Variants in SLC6A2 observed in about 807,000 individuals in gnomAD.
The protein encoded by SLC6A2 is solute carrier family 6 member 2, also known as sodium-dependent noradrenaline transporter.
In SLC6A2, 26 loss-of-function variants were observed where a neutral mutation model predicts 71.7. The observed-to-expected ratio is 0.36, with a 90% confidence interval of 0.27 to 0.50. The LOEUF is 0.50. Among genes scored for constraint, SLC6A2 ranks in the 20% least tolerant of loss-of-function variants. SLC6A2 has a pLI of 0.96. For synonymous variants in SLC6A2, 363 were observed against 337.9 expected, an observed-to-expected ratio of 1.07 and a Z score of -0.82; for missense variants, 581 against 803.9, an observed-to-expected ratio of 0.72 and a Z score of 3.35.
At chr16:55,661,419 AC>A (rs1226807018) in intron 2 of SLC6A2, among the ~76,000 whole-genome samples, 1 of 152,214 alleles carries the variant, frequency 6.6e-6, no homozygotes, top group Non-Finnish European at 1.5e-5. Flanking sequence ...TAACCACAGC[AC>A]CTTCTTGCAG....
chr16:55,694,123 T>C lies in SLC6A2; in HGVS notation c.1022+10T>C. The C allele has an allele frequency of 6.6e-7, 1 of 1,505,440 alleles. No homozygotes were observed. Among genetic ancestry groups the C allele is most frequent in the Non-Finnish European group, 9.3e-7 (1 of 1,081,044 alleles). The allele number at this position is 1,505,440 out of a possible 1,614,324, so 93.3% of individuals were successfully genotyped here. ...ACAACAACTGTTACAGGTAAGATTC[T>C]TCTCAGAATTCTGAGAAGCTCTAAA... On this transcript the variant is annotated intron_variant, in intron 7 of 14. Coordinates refer to ENST00000568943, the MANE Select transcript of SLC6A2 (RefSeq NM_001172501.3).
chr16:55,701,773 G>C, intron 13 of SLC6A2, 90 bp from the exon 14 acceptor site: 1 of 877,508 alleles, frequency 1.1e-6, no homozygotes, highest in South Asian at 1.3e-5. Context: ...GGATCAAATA[G>C]CAGGTGGCCC....
rs765314079 is a variant in SLC6A2 at position 55,701,947 on chromosome 16, T to G, written c.1830+13T>G. ...CAGACAGTTCCAGGTGGGTGAAGCCTAGACCCCTGGGGTGGAGATTACAAG... is the reference window on the plus strand; with the variant it reads ...CAGACAGTTCCAGGTGGGTGAAGCCGAGACCCCTGGGGTGGAGATTACAAG... On this transcript the variant is annotated intron_variant, in intron 14 of 14. Transcript: ENST00000568943. 1 of 1,604,740 alleles carries G rather than the reference T, an allele frequency of 6.2e-7. No individual in the cohort carries two copies. Among genetic ancestry groups the G allele is most frequent in the East Asian group, 2.2e-5 (1 of 44,814 alleles).
In SLC6A2 at chr16:55,703,779, C is replaced by T. The variant is rs7194256; in HGVS notation, c.*1433C>T. On this transcript the variant is annotated 3_prime_UTR_variant, in exon 15 of 15. Transcript: ENST00000568943. ...GAAAAAATAAAGAAGCCGCTGCATT[C>T]GCACGTCAAGAAGGTGCTTTGCCTC... The T allele has an allele frequency of 0.17, 170,897 of 984,876 alleles. 15,964 individuals are homozygous for T. Among genetic ancestry groups the T allele is most frequent in the African/African-American group, 0.35 (19,877 of 57,214 alleles). 61.0% of individuals were successfully genotyped at this position (984,876 alleles called of 1,614,324 possible). A position where few individuals can be genotyped will look rare whatever the true frequency, so the allele number is the denominator to read the frequency against.
At chr16:55,681,236 C>T (rs184959177) in intron 4 of SLC6A2, among the ~76,000 whole-genome samples, 2 of 152,330 alleles carry the variant, frequency 1.3e-5, no homozygotes, top group Admixed American at 1.3e-4. Context: ...TAACTCAGCC[C>T]TCATCACAGC....
chr16:55,671,132 T>G (rs1271247062), intron 3 of SLC6A2, among the ~76,000 whole-genome samples: 1 of 151,850 alleles, frequency 6.6e-6, no homozygotes, highest in Admixed American at 6.6e-5. Context: ...AGGATATAAG[T>G]GTAAAGAGTT....
intron 4 of SLC6A2, among the ~76,000 whole-genome samples, chr16:55,681,111 A>G (rs1439982449): frequency 6.6e-6 from 1 of 152,084 alleles, no homozygotes; most frequent in Non-Finnish European, 1.5e-5. Context: ...TTTTCTGGGT[A>G]CCCTTGACTC....
At chr16:55,701,072 G>A (rs758413379) in intron 13 of SLC6A2, among the ~76,000 whole-genome samples, 10 of 152,064 alleles carry the variant, frequency 6.6e-5, no homozygotes, top group East Asian at 3.9e-4. Context: ...TTATTGGGAC[G>A]CAGATATATG....
At chr16:55,690,250 G>A (rs1042076920) in intron 5 of SLC6A2, among the ~76,000 whole-genome samples, 3 of 152,088 alleles carry the variant, frequency 2.0e-5, no homozygotes, top group Non-Finnish European at 2.9e-5. Flanking sequence ...CACATGTGCC[G>A]GATTCTGGGG....
chr16:55,656,892 G>T lies in SLC6A2; in HGVS notation c.198G>T (p.Leu66=), dbSNP rs1349748778. ...CCTGGGGCAAGAAGATCGACTTCCT[G>T]CTGTCCGTAGTCGGCTTCGCAGTGG... The part of the protein sequence containing the change: ...RETWGKKIDF[L]LSVVGFAVDL... Residue 66 remains leucine (L), a synonymous_variant, in exon 2 of 15, where the codon CTG becomes CTT. Coordinates refer to ENST00000568943, the MANE Select transcript of SLC6A2 (RefSeq NM_001172501.3). The surrounding 1 kb of genome is among the most constrained non-coding windows in gnomAD (Gnocchi z 4.5). The T allele has an allele frequency of 6.2e-7, 1 of 1,614,064 alleles. No homozygotes were observed. The highest frequency in any genetic ancestry group is 8.5e-7 in the Non-Finnish European group (1 of 1,179,962).
chr16:55,682,243 C>T (rs1299819083), intron 4 of SLC6A2, among the ~76,000 whole-genome samples: 1 of 152,096 alleles, frequency 6.6e-6, no homozygotes, highest in African/African-American at 2.4e-5. Flanking sequence ...CTGAATGGAC[C>T]TCTAGTTGAG....
intron 2 of SLC6A2, 62 bp from the exon 3 acceptor site, chr16:55,669,503 C>G: frequency 1.9e-6 from 3 of 1,597,512 alleles, no homozygotes; most frequent in Non-Finnish European, 2.6e-6. Flanking sequence ...CTTGCAGACA[C>G]GGATCCAAGA....
rs9938924 is a variant in SLC6A2 at position 55,656,505 on chromosome 16, A to T, written c.-51-139A>T. On this transcript the variant is annotated intron_variant, in intron 1 of 14. Transcript: ENST00000568943. This position sits in a 1 kb window ranked among gnomAD's most constrained non-coding sequence, Gnocchi z 4.5. ...CTCTGTTTCCAAATTTTTCCAGCGG[A>T]CGCGCGCCCTTTTCTGGGAACCCTG... The T allele has an allele frequency of 2.9e-3, 1,965 of 682,978 alleles. 35 individuals carry two copies. In the African/African-American group the frequency reaches 0.033, roughly 11 times the overall value. 42.3% of individuals were successfully genotyped at this position (682,978 alleles called of 1,614,324 possible).
intron 13 of SLC6A2, among the ~76,000 whole-genome samples, chr16:55,700,520 A>C (rs1965942243): frequency 6.6e-6 from 1 of 152,208 alleles, no homozygotes; most frequent in Admixed American, 6.5e-5. Flanking sequence ...AAAACAAAAA[A>C]GAAGTACTTA....
rs1429410756 is a variant in SLC6A2, at chr16:55,703,031, A to G, written c.*685A>G. ...CATTCCTCCAGCTTTTGGTGGTCAGATGGCCCAGAGATATGGGGGACAGGA... is the reference window on the plus strand; with the variant it reads ...CATTCCTCCAGCTTTTGGTGGTCAGGTGGCCCAGAGATATGGGGGACAGGA... On this transcript the variant is annotated 3_prime_UTR_variant, in exon 15 of 15. Coordinates refer to ENST00000568943, the MANE Select transcript of SLC6A2 (RefSeq NM_001172501.3). 1 of 986,730 alleles carries G rather than the reference A, an allele frequency of 1.0e-6. No homozygotes were observed. Among genetic ancestry groups the G allele is most frequent in the Non-Finnish European group, 1.2e-6 (1 of 830,978 alleles). The allele number at this position is 986,730 out of a possible 1,614,324, so 61.1% of individuals were successfully genotyped here.
chr16:55,665,656 T>C (rs992490449), intron 2 of SLC6A2, among the ~76,000 whole-genome samples: 2 of 151,628 alleles, frequency 1.3e-5, no homozygotes, highest in African/African-American at 4.8e-5. Context: ...TCTTGGCCAC[T>C]GCACCCCTCA....
At chr16:55,684,267 C>T (rs1479233225) in intron 4 of SLC6A2, among the ~76,000 whole-genome samples, 1 of 147,580 alleles carries the variant, frequency 6.8e-6, no homozygotes, top group Non-Finnish European at 1.5e-5. Flanking sequence ...TGCCACTGCA[C>T]TCCAGCCTGG....
chr16:55,665,028 G>A (rs548581410), intron 2 of SLC6A2, among the ~76,000 whole-genome samples: 1 of 152,164 alleles, frequency 6.6e-6, no homozygotes, highest in Non-Finnish European at 1.5e-5. Context: ...GCGGGAGGTG[G>A]GGGTGTCTGC....
chr16:55,695,374 G>A lies in SLC6A2; in HGVS notation c.1119G>A (p.Lys373=), dbSNP rs1965764003. ...SILGYMAHEH[K]VNIEDVATEG... is the part of the protein sequence containing the mutation. ...TTGGTTACATGGCCCATGAACACAA[G>A]GTCAACATTGAGGATGTGGCCACAG... The change falls in exon 8 of 15, where the codon AAG becomes AAA. Residue 373 remains lysine (K), a synonymous_variant. Transcript: ENST00000568943. The A allele has an allele frequency of 6.2e-7, 1 of 1,614,236 alleles. No homozygotes were observed. Among genetic ancestry groups the A allele is most frequent in the Non-Finnish European group, 8.5e-7 (1 of 1,180,030 alleles).
Sources: allele counts gnomAD v4.1 joint callset (sites outside exome capture counted in the v4.1 genomes callset), GRCh38; gene constraint gnomAD v4.1.1; non-coding constraint Gnocchi (gnomAD v3.1); transcripts MANE v1.5; gene names NCBI Gene and HGNC (gene_info 2026-07-23, HGNC 2026-07-21).